Variants in NUDT3 observed in about 807,000 individuals in gnomAD.
The protein encoded by NUDT3 is nudix hydrolase 3.
In NUDT3, 9 loss-of-function variants were observed where a neutral mutation model predicts 23.6. That is an observed-to-expected ratio of 0.38 (90% confidence interval 0.23 to 0.66). The LOEUF (loss-of-function observed/expected upper bound fraction) is 0.66, where lower values mean the gene tolerates loss of function less well. NUDT3 is among the 30% of genes least tolerant of loss of function. NUDT3 has a pLI of 0.52. For missense variants in NUDT3, 172 were observed against 218.5 expected (o/e 0.79, Z 1.34); for synonymous variants, 86 against 82.6 (o/e 1.04, Z -0.22).
chr6:34,297,876 T>G (rs533489957), intron 2 of NUDT3, among the ~76,000 whole-genome samples: 1 of 148,112 alleles, frequency 6.8e-6, no homozygotes, highest in African/African-American at 2.5e-5. Flanking sequence ...ATTACAGGTG[T>G]GAGCCACTGC....
chr6:34,297,503 G>A (rs2113697228), intron 2 of NUDT3, among the ~76,000 whole-genome samples: 1 of 150,962 alleles, frequency 6.6e-6, no homozygotes, highest in African/African-American at 2.4e-5. Flanking sequence ...AAGGAGAGCT[G>A]TTGGGGCAGA....
chr6:34,379,855 A>T (rs1455966060), intron 1 of NUDT3, among the ~76,000 whole-genome samples: 1 of 151,662 alleles, frequency 6.6e-6, no homozygotes. Flanking sequence ...TCTCTACTAA[A>T]AATTAGCCGG....
intron 2 of NUDT3, among the ~76,000 whole-genome samples, chr6:34,306,559 C>T (rs1763681251): frequency 6.6e-6 from 1 of 152,202 alleles, no homozygotes; most frequent in Non-Finnish European, 1.5e-5. Flanking sequence ...GATGGAAAAG[C>T]AAACACAACT....
chr6:34,364,804 C>T (rs1216676171), intron 1 of NUDT3, among the ~76,000 whole-genome samples: 1 of 151,980 alleles, frequency 6.6e-6, no homozygotes, highest in Admixed American at 6.6e-5. Flanking sequence ...GAGGCTGAGG[C>T]GGGCGGATCA....
intron 1 of NUDT3, among the ~76,000 whole-genome samples, chr6:34,347,779 A>C (rs1307922290): frequency 6.6e-6 from 1 of 152,138 alleles, no homozygotes. Context: ...GACCAAAAAA[A>C]GAGTAATTAT....
At chr6:34,348,594 A>G (rs934491497) in intron 1 of NUDT3, among the ~76,000 whole-genome samples, 1 of 151,822 alleles carries the variant, frequency 6.6e-6, no homozygotes, top group African/African-American at 2.4e-5. Context: ...TGGCTAACAC[A>G]GTGAAACCCC....
intron 2 of NUDT3, among the ~76,000 whole-genome samples, chr6:34,339,386 A>G (rs1764256184): frequency 6.6e-6 from 1 of 152,222 alleles, no homozygotes; most frequent in Non-Finnish European, 1.5e-5. Flanking sequence ...TTCTCTCCAC[A>G]AGATCCATCA....
intron 1 of NUDT3, among the ~76,000 whole-genome samples, chr6:34,374,156 C>CAAAAAAAAAAAA (rs397888346): frequency 1.5e-5 from 1 of 64,718 alleles, no homozygotes; most frequent in East Asian, 4.3e-4. Context: ...GGCTCCCTCT[C>CAAAAAAAAAAAA]AAAAAAAAAA....
At position 34,288,937 on chromosome 6, in the gene NUDT3, G is replaced by A; in HGVS notation, c.341-6C>T. 6.3e-7 allele frequency: 1 copy of A among 1,592,796 alleles called. No individual in the cohort carries two copies. Among genetic ancestry groups the A allele is most frequent in the East Asian group, 2.3e-5 (1 of 44,250 alleles). The stretch of plus-strand genomic sequence containing the variant: ...AAACCATTCCCTCTTCCTTCCTGTG[G>A]AGGCAGAGAGAAAAGAAACTAGTAC... On this transcript the variant is annotated splice_polypyrimidine_tract_variant and splice_region_variant and intron_variant, in intron 4 of 4. Coordinates refer to ENST00000607016, the MANE Select transcript of NUDT3 (RefSeq NM_006703.4).
intron 2 of NUDT3, among the ~76,000 whole-genome samples, chr6:34,321,304 G>A (rs1199707702): frequency 6.6e-6 from 1 of 151,978 alleles, no homozygotes; most frequent in Non-Finnish European, 1.5e-5. Context: ...TGGGCGTGGT[G>A]GTGCGCACCT....
At chr6:34,387,302 T>C (rs756412948) in intron 1 of NUDT3, among the ~76,000 whole-genome samples, 7 of 152,148 alleles carry the variant, frequency 4.6e-5, no homozygotes, top group South Asian at 2.1e-4. Flanking sequence ...TAGGAGATGA[T>C]AGCTCCACGC....
chr6:34,328,453 AC>A (rs762423705), intron 2 of NUDT3, among the ~76,000 whole-genome samples: 16 of 152,240 alleles, frequency 1.1e-4, no homozygotes, highest in Non-Finnish European at 2.1e-4. Flanking sequence ...TAAAAATAAT[AC>A]ATGTTCCTAG....
intron 1 of NUDT3, among the ~76,000 whole-genome samples, chr6:34,369,124 G>C (rs183582789): frequency 2.0e-5 from 3 of 152,142 alleles, no homozygotes; most frequent in African/African-American, 4.8e-5. Context: ...GTATAGAAAT[G>C]TATGTTAACA....
chr6:34,326,115 A>C (rs1295849458), intron 2 of NUDT3, among the ~76,000 whole-genome samples: 1 of 150,956 alleles, frequency 6.6e-6, no homozygotes, highest in East Asian at 1.9e-4. Flanking sequence ...TCCTTAAAAA[A>C]TTAAATAATG....
intron 2 of NUDT3, among the ~76,000 whole-genome samples, chr6:34,314,329 G>C (rs1763826437): frequency 6.6e-6 from 1 of 151,270 alleles, no homozygotes; most frequent in Non-Finnish European, 1.5e-5. Flanking sequence ...GAGGTGGGTG[G>C]ACGACCTGAG....
At chr6:34,365,255 C>T (rs1764709227) in intron 1 of NUDT3, among the ~76,000 whole-genome samples, 1 of 151,504 alleles carries the variant, frequency 6.6e-6, no homozygotes, top group Non-Finnish European at 1.5e-5. Context: ...CATGATGAAA[C>T]CCCATCTCTA....
chr6:34,339,959 A>C (rs1489231846), intron 2 of NUDT3, among the ~76,000 whole-genome samples: 1 of 152,252 alleles, frequency 6.6e-6, no homozygotes, highest in Non-Finnish European at 1.5e-5. Context: ...TAGTTTAAAC[A>C]TGGAACCGAC....
At chr6:34,307,448 C>T (rs756125467) in intron 2 of NUDT3, among the ~76,000 whole-genome samples, 3 of 151,646 alleles carry the variant, frequency 2.0e-5, no homozygotes, top group Non-Finnish European at 2.9e-5. Context: ...CATGGTGGCA[C>T]GCCTGTAGTC....
At position 34,341,852 on chromosome 6, in the gene NUDT3, C is replaced by T. The variant is rs1764293007; in HGVS notation, c.210+10G>A. The T allele has an allele frequency of 6.2e-7, 1 of 1,612,610 alleles. No individual in the cohort carries two copies. Among genetic ancestry groups the T allele is most frequent in the Non-Finnish European group, 8.5e-7 (1 of 1,179,168 alleles). On this transcript the variant is annotated intron_variant, in intron 2 of 4. Transcript: ENST00000607016. Reference sequence around the variant, plus strand: ...GAGGCACAGCTGTGCCCTCTCTTCTCCATGCATACCTCCTCACAGACTTCA... The same window carrying T: ...GAGGCACAGCTGTGCCCTCTCTTCTTCATGCATACCTCCTCACAGACTTCA...
Sources: gnomAD v4.1 joint callset for allele counts (sites outside exome capture counted in the v4.1 genomes callset) on GRCh38, gnomAD v4.1.1 for gene constraint, MANE v1.5 for transcripts, NCBI Gene and HGNC (gene_info 2026-07-23, HGNC 2026-07-21) for gene names.